Variants in AGAP1 observed in about 807,000 individuals in gnomAD.
AGAP1 encodes ArfGAP with GTPase domain, ankyrin repeat and PH domain 1, also known as arf-GAP with GTPase, ANK repeat and PH domain-containing protein 1.
In AGAP1, 29 loss-of-function variants were observed where a neutral mutation model predicts 105.3. The observed-to-expected ratio is 0.28, with a 90% CI of 0.21 to 0.38. AGAP1 has a LOEUF of 0.38. AGAP1 is among the 10% of genes least tolerant of loss of function. AGAP1 has a pLI of 1.00. For missense variants in AGAP1, 998 were observed against 1,165.1 expected (o/e 0.86, Z 2.09); for synonymous variants, 509 against 485.9 (o/e 1.05, Z -0.63).
intron 1 of AGAP1, among the ~76,000 whole-genome samples, chr2:235,618,978 C>G (rs1197607925): frequency 6.6e-6 from 1 of 152,002 alleles, no homozygotes; most frequent in African/African-American, 2.4e-5. Context: ...GTCAGAGTCA[C>G]AGAAGGAGAT....
rs1002412022 is a variant in AGAP1, at chr2:235,529,192, G to A, written c.163+34343G>A. ...GTGGCCAGGCAAGTGTTGCCTTGGC[G>A]CTGGTCCTTTCTGTGAATATGGTGG... On this transcript the variant is annotated intron_variant, in intron 1 of 17. Coordinates refer to ENST00000304032, the MANE Select transcript of AGAP1 (RefSeq NM_001037131.3). Among the ~76,000 whole-genome samples, 5 of 152,170 alleles carry A rather than the reference G, an allele frequency of 3.3e-5. No individual in the cohort carries two copies. In the South Asian group the frequency reaches 6.2e-4, roughly 19 times the overall value.
At chr2:236,034,113 C>T (rs148959380) in intron 13 of AGAP1, among the ~76,000 whole-genome samples, 31 of 152,202 alleles carry the variant, frequency 2.0e-4, no homozygotes, top group African/African-American at 7.5e-4. Context: ...GCATAAAATA[C>T]ATGAATTGGG....
chr2:235,939,107 G>A (rs916221701), intron 12 of AGAP1, among the ~76,000 whole-genome samples: 1 of 152,126 alleles, frequency 6.6e-6, no homozygotes, highest in Non-Finnish European at 1.5e-5. Flanking sequence ...ATTGAACTGG[G>A]AGCAATGGGT....
intron 16 of AGAP1, among the ~76,000 whole-genome samples, chr2:236,099,315 C>T (rs754931235): frequency 5.3e-5 from 8 of 151,748 alleles, no homozygotes; most frequent in Non-Finnish European, 1.0e-4. Flanking sequence ...ATTAGCTGGG[C>T]GTGGTGGCGA....
At chr2:235,942,021 T>A (rs1559675511) in intron 12 of AGAP1, among the ~76,000 whole-genome samples, 2 of 152,182 alleles carry the variant, frequency 1.3e-5, no homozygotes, top group Non-Finnish European at 2.9e-5. Flanking sequence ...CCATCCTCCC[T>A]GCACTCCTCT....
intron 1 of AGAP1, among the ~76,000 whole-genome samples, chr2:235,536,022 T>G (rs1943204151): frequency 6.6e-6 from 1 of 151,818 alleles, no homozygotes; most frequent in Non-Finnish European, 1.5e-5. Flanking sequence ...GTCTTTCAGT[T>G]CCCCTGGTGG....
In AGAP1 at chr2:235,552,318, G is replaced by C. The variant is rs1490166202; in HGVS notation, c.163+57469G>C. On this transcript the variant is annotated intron_variant, in intron 1 of 17. Transcript: ENST00000304032. This position sits in a 1 kb window ranked among gnomAD's most constrained non-coding sequence, Gnocchi z 5.9. ...ATCCTATCGGGGACATTTAATAACT[G>C]GAAGTAGCTTAGGAAGCCAGGTTTG... Among the ~76,000 whole-genome samples, 1 of 152,236 alleles carries C rather than the reference G, an allele frequency of 6.6e-6. No homozygotes were observed. The highest frequency in any genetic ancestry group is 6.5e-5 in the Admixed American group (1 of 15,290).
intron 1 of AGAP1, among the ~76,000 whole-genome samples, chr2:235,523,767 C>T (rs541229356): frequency 6.6e-6 from 1 of 152,178 alleles, no homozygotes; most frequent in East Asian, 1.9e-4. Flanking sequence ...CACCGTGTGA[C>T]CTGGCCAGGG....
rs533594752 is a variant in AGAP1 at position 236,113,263 on chromosome 2, C to A, written c.2115-6929C>A. On this transcript the variant is annotated intron_variant, in intron 16 of 17. Transcript: ENST00000304032. This position sits in a 1 kb window ranked among gnomAD's most constrained non-coding sequence, Gnocchi z 4.3. ...TCAAGCAATTCTCTGCCTCAGCCCC[C>A]CCGAGTAGCTGGGATTACAGGCATC... is the stretch of plus-strand genomic sequence containing the variant. Among the ~76,000 whole-genome samples, 10 of 152,322 alleles carry A rather than the reference C, an allele frequency of 6.6e-5. No homozygotes were observed. The highest frequency in any genetic ancestry group is 1.3e-4 in the Non-Finnish European group (9 of 68,028).
intron 1 of AGAP1, among the ~76,000 whole-genome samples, chr2:235,672,413 A>T (rs1948485743): frequency 6.6e-6 from 1 of 152,224 alleles, no homozygotes; most frequent in South Asian, 2.1e-4. Flanking sequence ...GTGAGGCTAC[A>T]CTGTTGCCAC....
chr2:235,867,443 A>G lies in AGAP1; in HGVS notation c.1051-15902A>G, dbSNP rs1334836706. ...CCAGTCCCGTAGGATCCCCAACGCT[A>G]ATAGTCTGGATGAGGGTGCACAGGC... On this transcript the variant is annotated intron_variant, in intron 9 of 17. Transcript: ENST00000304032. The surrounding 1 kb of genome is among the most constrained non-coding windows in gnomAD (Gnocchi z 5.4). Among the ~76,000 whole-genome samples, 1 of 151,990 alleles carries G rather than the reference A, an allele frequency of 6.6e-6. No individual in the cohort carries two copies. The highest frequency in any genetic ancestry group is 1.5e-5 in the Non-Finnish European group (1 of 67,994).
At position 236,062,510 on chromosome 2, in the gene AGAP1, C is replaced by G. The variant is rs1249203817; in HGVS notation, c.2114+13229C>G. Among the ~76,000 whole-genome samples the G allele has an allele frequency of 6.6e-6, 1 of 151,982 alleles. No individual in the cohort carries two copies. The highest frequency in any genetic ancestry group is 1.5e-5 in the Non-Finnish European group (1 of 68,030). ...TTTTTTTTAGAAACAGAATCTCACT[C>G]TATCACACAGGCTTGAATGCAGTGG... On this transcript the variant is annotated intron_variant, in intron 16 of 17. Coordinates refer to ENST00000304032, the MANE Select transcript of AGAP1 (RefSeq NM_001037131.3). This position sits in a 1 kb window ranked among gnomAD's most constrained non-coding sequence, Gnocchi z 4.2.
chr2:235,943,546 C>T (rs1279271174), intron 12 of AGAP1, among the ~76,000 whole-genome samples: 3 of 151,960 alleles, frequency 2.0e-5, no homozygotes, highest in South Asian at 4.2e-4. Context: ...GACGGGGTTT[C>T]GCCATGTTGG....
intron 16 of AGAP1, among the ~76,000 whole-genome samples, chr2:236,075,472 A>G (rs722502): frequency 2.0e-5 from 3 of 152,112 alleles, no homozygotes; most frequent in South Asian, 2.1e-4. Context: ...CCCCTTGGAC[A>G]TCGTAATAGT....
chr2:235,933,823 G>A lies in AGAP1; in HGVS notation c.1483+2900G>A, dbSNP rs185675413. 1.9e-3 allele frequency among the ~76,000 whole-genome samples: 294 copies of A among 152,258 alleles called. 1 individual carries two copies. The highest frequency in any genetic ancestry group is 1.2e-3 in the Non-Finnish European group (82 of 68,014). ...TGGGATTACAGGCATGAGCCACCGCGCCCGGCCTTTCTAAGGATTAATAGT... is the reference window on the plus strand; with the variant it reads ...TGGGATTACAGGCATGAGCCACCGCACCCGGCCTTTCTAAGGATTAATAGT... On this transcript the variant is annotated intron_variant, in intron 12 of 17. Transcript: ENST00000304032.
intron 3 of AGAP1, chr2:235,718,365 G>A (rs1489377556): frequency 2.0e-6 from 2 of 985,284 alleles, no homozygotes; most frequent in South Asian, 4.7e-5. Flanking sequence ...CTTACTGGCT[G>A]TTCCATTCTT....
chr2:235,829,023 G>T (rs1310529693), intron 9 of AGAP1, among the ~76,000 whole-genome samples: 1 of 152,210 alleles, frequency 6.6e-6, no homozygotes, highest in Non-Finnish European at 1.5e-5. Flanking sequence ...GTCTAAGGCA[G>T]ATGTCTCTCT....
Position 236,113,831 on chromosome 2 carries a change from C to G in AGAP1, c.2115-6361C>G, listed in dbSNP as rs2059708876. On this transcript the variant is annotated intron_variant, in intron 16 of 17. Coordinates refer to ENST00000304032, the MANE Select transcript of AGAP1 (RefSeq NM_001037131.3). The surrounding 1 kb of genome is among the most constrained non-coding windows in gnomAD (Gnocchi z 4.3). ...GTCCTGTGCTCAGTGCCTGGCTGTC[C>G]CTGTGGATGGCTTCCTGTCATGGCC... Among the ~76,000 whole-genome samples the G allele has an allele frequency of 6.6e-6, 1 of 152,152 alleles. No individual in the cohort carries two copies.
At position 235,550,920 on chromosome 2, in the gene AGAP1, G is replaced by A. The variant is rs538094241; in HGVS notation, c.163+56071G>A. On this transcript the variant is annotated intron_variant, in intron 1 of 17. Coordinates refer to ENST00000304032, the MANE Select transcript of AGAP1 (RefSeq NM_001037131.3). The surrounding 1 kb of genome is among the most constrained non-coding windows in gnomAD (Gnocchi z 4.6). ...CTCCTGAGTAGCTGGGACTACAGGCGTGCACCACCACACCCAGCTAATTTT... is the reference window on the plus strand; with the variant it reads ...CTCCTGAGTAGCTGGGACTACAGGCATGCACCACCACACCCAGCTAATTTT... Among the ~76,000 whole-genome samples the A allele has an allele frequency of 4.6e-5, 7 of 151,988 alleles. No homozygotes were observed. The highest frequency in any genetic ancestry group is 1.0e-4 in the Non-Finnish European group (7 of 68,002).
Sources: gnomAD v4.1 joint callset for allele counts (sites outside exome capture counted in the v4.1 genomes callset) on GRCh38, gnomAD v4.1.1 for gene constraint, Gnocchi (gnomAD v3.1) non-coding constraint, MANE v1.5 for transcripts, NCBI Gene and HGNC (gene_info 2026-07-23, HGNC 2026-07-21) for gene names.